The following STX2 variants were observed in gnomAD, a reference collection of about 807,000 sequenced individuals.
STX2 encodes syntaxin-2.
STX2 carries 27 observed loss-of-function variants against 40.6 expected under a neutral mutation model. The ratio of observed to expected loss-of-function variants is 0.66; its 90% CI spans 0.49 to 0.92. The LOEUF is 0.92. STX2 is among the 40% of genes least tolerant of loss of function. The pLI is 0.00. For missense variants in STX2, 328 were observed against 366.1 expected, an observed-to-expected ratio of 0.90 and a Z score of 0.85; for synonymous variants, 123 against 119.1, an observed-to-expected ratio of 1.03 and a Z score of -0.22.
In STX2 at chr12:130,801,812, TA is replaced by T. The variant is rs896983070; in HGVS notation, c.464-325del. On this transcript the variant is annotated intron_variant, in intron 6 of 10. Transcript: ENST00000392373. ...CCTAAGAGTTTAACTCCGCCTCATG[TA>T]AAAGGGGGTTGAGCTGAATGTAGCA... is the stretch of plus-strand genomic sequence containing the variant. Among the ~76,000 whole-genome samples the T allele has an allele frequency of 7.2e-4, 110 of 152,334 alleles. 1 individual carries two copies. The highest frequency in any genetic ancestry group is 1.5e-3 in the Non-Finnish European group (102 of 68,032).
At chr12:130,798,793 CATT>C in intron 8 of STX2, among the ~76,000 whole-genome samples, 158 bp from the exon 9 acceptor site, 1 of 151,962 alleles carries the variant, frequency 6.6e-6, no homozygotes, top group East Asian at 1.9e-4. Context: ...AAGATGAGGC[CATT>C]ATACATGTGC....
Position 130,796,085 on chromosome 12 carries a change from C to T in STX2, c.822G>A (p.Leu274=), listed in dbSNP as rs1566510494. ...CAATAATTAGAGCGATTATGGCAAC[C>T]AGAACCACTGACACAGCAATAATTA... ...KWIIIAVSVV[L]VAIIALIIGL... The change falls in exon 10 of 11, where the codon CTG becomes CTA. Residue 274 remains leucine, a synonymous_variant. Transcript: ENST00000392373. 3 of 1,614,040 alleles carry T rather than the reference C, an allele frequency of 1.9e-6. No individual in the cohort carries two copies. The highest frequency in any genetic ancestry group is 3.3e-5 in the Admixed American group (2 of 59,998).
At chr12:130,823,774 C>T (rs564136269) in intron 2 of STX2, among the ~76,000 whole-genome samples, 1 of 152,138 alleles carries the variant, frequency 6.6e-6, no homozygotes, top group Non-Finnish European at 1.5e-5. Context: ...AACTGACACA[C>T]GGATCAACAT....
At chr12:130,816,690 T>TC (rs1951871532) in intron 3 of STX2, among the ~76,000 whole-genome samples, 1 of 151,904 alleles carries the variant, frequency 6.6e-6, no homozygotes, top group African/African-American at 2.4e-5. Context: ...AATAAAATAA[T>TC]TAAAAAAAGA....
chr12:130,827,392 G>T, intron 1 of STX2, 125 bp from the exon 2 acceptor site: 1 of 678,670 alleles, frequency 1.5e-6, no homozygotes, highest in Non-Finnish European at 2.6e-6. Flanking sequence ...AATTGTAACA[G>T]ACTAGCAGCC....
rs199796257 is a variant in STX2, at chr12:130,801,181, A to G, written c.647T>C (p.Met216Thr). Residue 216 changes from methionine to threonine, a missense_variant, in exon 8 of 11, where the codon ATG (methionine) becomes ACG (threonine). Physicochemically the swap from Met to Thr is moderately conservative, Grantham distance 81. Coordinates refer to ENST00000392373, the MANE Select transcript of STX2 (RefSeq NM_194356.4). ...TSIRELHEMF[M>T]DMAMFVETQG... is the part of the protein sequence containing the mutation. ...AGTCTCCACAAACATAGCCATGTCC[A>G]TGAACATCTCATGCAACTCTCGGAT... 6.2e-7 allele frequency: 1 copy of G among 1,613,796 alleles called. No individual in the cohort carries two copies. The highest frequency in any genetic ancestry group is 2.2e-5 in the East Asian group (1 of 44,878).
chr12:130,827,286 A>C lies in STX2; in HGVS notation c.31-19T>G. ...TCCTACACTACAATGAAAAATGGAA[A>C]ATTCAGTTTTTTAAAATTTTTATGT... On this transcript the variant is annotated intron_variant, in intron 1 of 10. Coordinates refer to ENST00000392373, the MANE Select transcript of STX2 (RefSeq NM_194356.4). The C allele has an allele frequency of 6.2e-7, 1 of 1,609,860 alleles. No individual in the cohort carries two copies. Among genetic ancestry groups the C allele is most frequent in the Non-Finnish European group, 8.5e-7 (1 of 1,176,972 alleles).
intron 1 of STX2, among the ~76,000 whole-genome samples, chr12:130,829,661 C>T: frequency 6.6e-6 from 1 of 152,272 alleles, no homozygotes; most frequent in East Asian, 1.9e-4. Context: ...CAAGTGCTCA[C>T]TTGGGCATTA....
Position 130,790,564 on chromosome 12 carries a change from T to C in STX2, c.*1459A>G, listed in dbSNP as rs1432121791. On this transcript the variant is annotated 3_prime_UTR_variant, in exon 11 of 11. Coordinates refer to ENST00000392373, the MANE Select transcript of STX2 (RefSeq NM_194356.4). ...GAGCAATAAAAAGGTTTAATTATCA[T>C]GAATCCCTATACATTTTGGAAATTA... 6.6e-6 allele frequency: 1 copy of C among 152,246 alleles called. No individual in the cohort carries two copies. Among genetic ancestry groups the C allele is most frequent in the Non-Finnish European group, 1.5e-5 (1 of 68,052 alleles). The allele number at this position is 152,246 out of a possible 1,614,324, so 9.4% of individuals were successfully genotyped here.
At chr12:130,817,746 T>C (rs1441840158) in intron 3 of STX2, among the ~76,000 whole-genome samples, 1 of 151,076 alleles carries the variant, frequency 6.6e-6, no homozygotes, top group South Asian at 2.1e-4. Context: ...CAAAAGACAC[T>C]GGAAAAATAT....
chr12:130,826,620 C>T (rs1006710472), intron 2 of STX2, among the ~76,000 whole-genome samples: 4 of 152,150 alleles, frequency 2.6e-5, no homozygotes, highest in African/African-American at 7.2e-5. Context: ...AGAGAACTTA[C>T]GTAATTCAAA....
At chr12:130,800,256 C>A (rs1951174455) in intron 8 of STX2, among the ~76,000 whole-genome samples, 1 of 151,556 alleles carries the variant, frequency 6.6e-6, no homozygotes, top group Admixed American at 6.6e-5. Context: ...CCGTACTTTA[C>A]ATGGAGAGTT....
intron 1 of STX2, among the ~76,000 whole-genome samples, chr12:130,833,926 A>G (rs1952666795): frequency 6.6e-6 from 1 of 152,232 alleles, no homozygotes; most frequent in African/African-American, 2.4e-5. Flanking sequence ...CACAAATGAC[A>G]GTATGCATCT....
At chr12:130,833,427 T>C (rs1436619533) in intron 1 of STX2, among the ~76,000 whole-genome samples, 26 of 150,922 alleles carry the variant, frequency 1.7e-4, no homozygotes, top group Admixed American at 4.6e-4. Context: ...TTTTTTTTTT[T>C]TGAGATGGAT....
At position 130,833,284 on chromosome 12, in the gene STX2, C is replaced by T. The variant is rs751536098; in HGVS notation, c.30+5786G>A. On this transcript the variant is annotated intron_variant, in intron 1 of 10. Coordinates refer to ENST00000392373, the MANE Select transcript of STX2 (RefSeq NM_194356.4). ...GAGACACACACACAGACTAAGACCC[C>T]GCAAGCACAAAACGGCCACGACACA... 3.7e-4 allele frequency among the ~76,000 whole-genome samples: 45 copies of T among 123,266 alleles called. 1 individual carries two copies. Among genetic ancestry groups the T allele is most frequent in the African/African-American group, 9.4e-4 (38 of 40,442 alleles). 80.9% of individuals were successfully genotyped at this position (123,266 alleles called of 152,430 possible). A position where few individuals can be genotyped will look rare whatever the true frequency, so the allele number is the denominator to read the frequency against.
chr12:130,801,285 T>A lies in STX2; in HGVS notation c.543A>T (p.Ile181=). The stretch of plus-strand genomic sequence containing the variant: ...CTTGTCTAGTAATTTGTGAATCTGA[T>A]ATAATCTTGGAAAAACAAAAATAAA... The part of the protein sequence containing the change: ...GKPSIFTSDI[I]SDSQITRQAL... Residue 181 remains isoleucine, a synonymous_variant, in exon 8 of 11, where the codon ATA becomes ATT. Transcript: ENST00000392373. The A allele has an allele frequency of 6.2e-7, 1 of 1,609,942 alleles. No homozygotes were observed. The highest frequency in any genetic ancestry group is 1.7e-4 in the Middle Eastern group (1 of 6,050).
Position 130,801,229 on chromosome 12 carries a change from T to A in STX2, c.599A>T (p.Asp200Val). 6.2e-7 allele frequency: 1 copy of A among 1,614,116 alleles called. No homozygotes were observed. Among genetic ancestry groups the A allele is most frequent in the Non-Finnish European group, 8.5e-7 (1 of 1,179,958 alleles). The change falls in exon 8 of 11, where the codon GAC (aspartate) becomes GTC (valine). Residue 200 changes from aspartate to valine, a missense_variant. Transcript: ENST00000392373. ...GATGCTGGTCTCCAGCTTCATGATG[T>A]CCTTGTGACGTGACTCGATTTCATT... ...ALNEIESRHK[D>V]IMKLETSIRE...
intron 3 of STX2, among the ~76,000 whole-genome samples, chr12:130,817,343 G>A (rs1455052768): frequency 6.6e-6 from 1 of 152,138 alleles, no homozygotes; most frequent in African/African-American, 2.4e-5. Context: ...AAGATTCCCT[G>A]ACCTGAAAGA....
intron 4 of STX2, among the ~76,000 whole-genome samples, chr12:130,811,489 T>C (rs138561175): frequency 0.01 from 1,571 of 151,096 alleles, 38 homozygotes; most frequent in African/African-American, 0.036. Flanking sequence ...AAAATTTTAC[T>C]GAACTTACTT....
Sources: allele counts gnomAD v4.1 joint callset (sites outside exome capture counted in the v4.1 genomes callset), GRCh38; gene constraint gnomAD v4.1.1; transcripts MANE v1.5; gene names NCBI Gene and HGNC (gene_info 2026-07-23, HGNC 2026-07-21).